TBC1D2B: variants seen among roughly 807,000 people sequenced by gnomAD.
The protein encoded by TBC1D2B is TBC1 domain family member 2B.
In TBC1D2B, 64 loss-of-function variants were observed where a neutral mutation model predicts 100.8. The ratio of observed to expected loss-of-function variants is 0.64; its 90% confidence interval spans 0.52 to 0.78. The LOEUF is 0.78. Ranked by LOEUF, TBC1D2B falls within the 30% of genes least tolerant of loss-of-function variation. TBC1D2B has a pLI of 0.00. For missense variants in TBC1D2B, 1,052 were observed against 1,218.4 expected (o/e 0.86, Z 2.03); for synonymous variants, 480 against 479.7 (o/e 1.00, Z -0.01).
chr15:78,027,529 G>A (rs2072702242), intron 4 of TBC1D2B, among the ~76,000 whole-genome samples: 1 of 152,208 alleles, frequency 6.6e-6, no homozygotes, highest in Non-Finnish European at 1.5e-5. Context: ...TAAGATCAAA[G>A]TCTAGTGACA....
chr15:78,019,836 C>T (rs945993667), intron 6 of TBC1D2B, among the ~76,000 whole-genome samples: 1 of 151,428 alleles, frequency 6.6e-6, no homozygotes, highest in Non-Finnish European at 1.5e-5. Context: ...CTGCAGTGAG[C>T]CAAGATCATG....
chr15:78,003,176 T>C (rs1317567790), intron 11 of TBC1D2B, 129 bp downstream of exon 11: 3 of 737,086 alleles, frequency 4.1e-6, no homozygotes, highest in Non-Finnish European at 6.9e-6. Flanking sequence ...GTGCAGGCCG[T>C]GCTGAGATCC....
intron 1 of TBC1D2B, among the ~76,000 whole-genome samples, chr15:78,062,158 CTGAT>C (rs1211773476): frequency 1.3e-5 from 2 of 152,178 alleles, no homozygotes; most frequent in Non-Finnish European, 2.9e-5. Flanking sequence ...CAGGGAGTCA[CTGAT>C]TATAAGAGGG....
rs1392333207 is a variant in TBC1D2B at position 78,077,572 on chromosome 15, C to T, written c.81G>A (p.Gly27=). ...GAAQGAAAEP[G]AGPAREPARL... ...GCGCTGGCTCCCGCGCCGGACCCGC[C>T]CCGGGCTCCGCGGCCGCCCCCTGCG... is the stretch of plus-strand genomic sequence containing the variant. Residue 27 remains glycine (G), a synonymous_variant, in exon 1 of 13, where the codon GGG becomes GGA. Coordinates refer to ENST00000300584, the MANE Select transcript of TBC1D2B (RefSeq NM_144572.2). 7.2e-7 allele frequency: 1 copy of T among 1,396,766 alleles called. No homozygotes were observed. Among genetic ancestry groups the T allele is most frequent in the South Asian group, 1.5e-5 (1 of 65,994 alleles). The allele number at this position is 1,396,766 out of a possible 1,614,324, so 86.5% of individuals were successfully genotyped here. A position where few individuals can be genotyped will look rare whatever the true frequency, so the allele number is the denominator to read the frequency against.
At chr15:78,065,272 T>C (rs555403076) in intron 1 of TBC1D2B, among the ~76,000 whole-genome samples, 3 of 152,202 alleles carry the variant, frequency 2.0e-5, no homozygotes, top group Non-Finnish European at 4.4e-5. Context: ...CTAAGGGTAA[T>C]GGACTAGAAG....
chr15:78,011,773 C>T (rs1596308986), intron 9 of TBC1D2B, among the ~76,000 whole-genome samples: 2 of 151,768 alleles, frequency 1.3e-5, no homozygotes, highest in South Asian at 2.1e-4. Flanking sequence ...CTCAGCCTCC[C>T]GAGTAGCTGG....
At chr15:78,014,569 G>A (rs1420350567) in intron 8 of TBC1D2B, among the ~76,000 whole-genome samples, 1 of 152,164 alleles carries the variant, frequency 6.6e-6, no homozygotes, top group African/African-American at 2.4e-5. Flanking sequence ...AGACACCATG[G>A]TAGATTCATA....
intron 10 of TBC1D2B, chr15:78,003,699 C>T (rs895798362): frequency 1.2e-5 from 6 of 498,472 alleles, no homozygotes; most frequent in East Asian, 5.8e-5. Context: ...ACCGAGTGTC[C>T]GCTGAACAGC....
At position 77,997,982 on chromosome 15, in the gene TBC1D2B, T is replaced by A; in HGVS notation, c.*178A>T. On this transcript the variant is annotated 3_prime_UTR_variant, in exon 13 of 13. Transcript: ENST00000300584. The stretch of plus-strand genomic sequence containing the variant: ...GGCACGGAAATGGTTGTAAACAGAT[T>A]AGACCTCCCACCCCTGCCCCCCGCA... 1 of 529,864 alleles carries A rather than the reference T, an allele frequency of 1.9e-6. No individual in the cohort carries two copies. Among genetic ancestry groups the A allele is most frequent in the Non-Finnish European group, 3.2e-6 (1 of 310,750 alleles). 32.8% of individuals were successfully genotyped at this position (529,864 alleles called of 1,614,324 possible).
intron 12 of TBC1D2B, among the ~76,000 whole-genome samples, chr15:78,001,154 T>C (rs2071902383): frequency 6.6e-6 from 1 of 152,186 alleles, no homozygotes; most frequent in Admixed American, 6.5e-5. Flanking sequence ...AAGGACCCCC[T>C]GTCCCCATAC....
intron 1 of TBC1D2B, among the ~76,000 whole-genome samples, chr15:78,075,449 C>T (rs914753539): frequency 5.3e-5 from 8 of 152,108 alleles, no homozygotes; most frequent in Non-Finnish European, 1.2e-4. Flanking sequence ...CCACCCGTCT[C>T]GGCCTCCCAA....
At chr15:78,044,427 T>A (rs2073153303) in intron 3 of TBC1D2B, among the ~76,000 whole-genome samples, 1 of 152,068 alleles carries the variant, frequency 6.6e-6, no homozygotes, top group Non-Finnish European at 1.5e-5. Flanking sequence ...CCTCATCTCA[T>A]AAAAACCAAC....
chr15:78,031,554 C>CAAAAAAAAAA lies in TBC1D2B; in HGVS notation c.684-1394_684-1385dup, dbSNP rs1225713046. 7.7e-3 allele frequency among the ~76,000 whole-genome samples: 424 copies of CAAAAAAAAAA among 54,806 alleles called. 89 individuals are homozygous for CAAAAAAAAAA. The highest frequency in any genetic ancestry group is 0.037 in the Middle Eastern group (2 of 54). The allele number at this position is 54,806 out of a possible 152,430, so 36.0% of individuals were successfully genotyped here. On this transcript the variant is annotated intron_variant, in intron 3 of 12. Coordinates refer to ENST00000300584, the MANE Select transcript of TBC1D2B (RefSeq NM_144572.2). Reference sequence around the variant, plus strand: ...GGGCGATAGAGCAAGACTCTGTCTCCAAAAAAAAAAAAAAAAAAAAAGAGA... The same window carrying CAAAAAAAAAA: ...GGGCGATAGAGCAAGACTCTGTCTCCAAAAAAAAAAAAAAAAAAAAAAAAAAAAAAAGAGA...
chr15:78,059,862 T>C (rs777182481), intron 1 of TBC1D2B, among the ~76,000 whole-genome samples: 7 of 152,168 alleles, frequency 4.6e-5, no homozygotes, highest in Non-Finnish European at 1.0e-4. Flanking sequence ...ACGTATATTA[T>C]GGGCCCACTC....
In TBC1D2B at chr15:78,013,071, C is replaced by G; in HGVS notation, c.2022G>C (p.Trp674Cys). 6.2e-7 allele frequency: 1 copy of G among 1,614,028 alleles called. No homozygotes were observed. The highest frequency in any genetic ancestry group is 1.1e-5 in the South Asian group (1 of 91,088). ...PHEHRSKVWK[W>C]CVDRHTRKFK... The stretch of plus-strand genomic sequence containing the variant: ...ACTTCCTGGTGTGACGGTCCACACA[C>G]CACTTCCACACCTTGGAACGGTGCT... Residue 674 changes from tryptophan to cysteine, a missense_variant, in exon 9 of 13, where the codon TGG (tryptophan) becomes TGC (cysteine). By Grantham distance (215) the Trp-to-Cys change is radical. Transcript: ENST00000300584.
intron 3 of TBC1D2B, among the ~76,000 whole-genome samples, chr15:78,035,043 G>T (rs1289569785): frequency 6.6e-6 from 1 of 152,066 alleles, no homozygotes. Context: ...GCTGTTTAAA[G>T]ACCGCAGTCT....
At chr15:78,025,726 C>T in intron 4 of TBC1D2B, 1 of 269,750 alleles carries the variant, frequency 3.7e-6, no homozygotes, top group Non-Finnish European at 7.0e-6. Flanking sequence ...TGAGGTTTCA[C>T]TGTGTTAGCC....
rs74408942 is a variant in TBC1D2B, at chr15:78,021,280, T to A, written c.1470+2876A>T. On this transcript the variant is annotated intron_variant, in intron 6 of 12. Coordinates refer to ENST00000300584, the MANE Select transcript of TBC1D2B (RefSeq NM_144572.2). The stretch of plus-strand genomic sequence containing the variant: ...ATAGCAAAAAAGATATATAAACATA[T>A]CTTTAAAATTAAAAATATATAAAAT... Among the ~76,000 whole-genome samples, 35 of 151,928 alleles carry A rather than the reference T, an allele frequency of 2.3e-4. No individual in the cohort carries two copies. In the East Asian group the frequency reaches 6.2e-3, roughly 27 times the overall value.
chr15:78,007,476 G>A (rs2072097780), intron 10 of TBC1D2B, among the ~76,000 whole-genome samples: 1 of 152,232 alleles, frequency 6.6e-6, no homozygotes, highest in Non-Finnish European at 1.5e-5. Flanking sequence ...AAGGAGGCAG[G>A]AGTCCAGGAT....
Sources: allele counts gnomAD v4.1 joint callset (sites outside exome capture counted in the v4.1 genomes callset), GRCh38; gene constraint gnomAD v4.1.1; transcripts MANE v1.5; gene names NCBI Gene and HGNC (gene_info 2026-07-23, HGNC 2026-07-21).